COL4A6: variants seen among roughly 807,000 people sequenced by gnomAD.
COL4A6 encodes the protein collagen alpha-6(IV) chain.
COL4A6 carries 59 observed loss-of-function variants against 126.7 expected under a neutral mutation model. The observed-to-expected ratio is 0.47, with a 90% CI of 0.38 to 0.58. COL4A6 has a LOEUF of 0.58. COL4A6 is among the 20% of genes least tolerant of loss of function. The pLI is 0.00. For missense variants in COL4A6, 1,285 were observed against 1,337.3 expected (o/e 0.96, Z 0.61); for synonymous variants, 547 against 496.6 (o/e 1.10, Z -1.35).
intron 40 of COL4A6, among the ~76,000 whole-genome samples, chrX:108,164,112 C>CG (rs1449053859): frequency 9.0e-6 from 1 of 111,215 alleles, no homozygotes; most frequent in Non-Finnish European, 1.9e-5. Flanking sequence ...CCACTAGGGT[C>CG]GGGGGAGGAA....
At chrX:108,428,591 G>T (rs181209180) in intron 2 of COL4A6, among the ~76,000 whole-genome samples, 1 of 110,733 alleles carries the variant, frequency 9.0e-6, no homozygotes, top group African/African-American at 3.3e-5. Context: ...CTTAGTACTG[G>T]GGTGATGAAA....
At chrX:108,431,519 C>T (rs1299017618) in intron 2 of COL4A6, among the ~76,000 whole-genome samples, 1 of 111,839 alleles carries the variant, frequency 8.9e-6, no homozygotes, top group Non-Finnish European at 1.9e-5. Flanking sequence ...TTAGTTGCAT[C>T]ATGTGAAGTG....
chrX:108,436,776 T>A (rs893466488), intron 2 of COL4A6, among the ~76,000 whole-genome samples: 4 of 112,068 alleles, frequency 3.6e-5, no homozygotes, highest in African/African-American at 1.3e-4. Context: ...CATCTTCCTC[T>A]CTTTACAAGA....
At chrX:108,216,776 C>G (rs2035869570) in intron 5 of COL4A6, among the ~76,000 whole-genome samples, 2 of 112,444 alleles carry the variant, frequency 1.8e-5, no homozygotes, top group Non-Finnish European at 3.8e-5. Context: ...TCCTCAGAAC[C>G]CAGTTTCAAA....
At chrX:108,318,578 T>C (rs956063477) in intron 2 of COL4A6, among the ~76,000 whole-genome samples, 1 of 110,958 alleles carries the variant, frequency 9.0e-6, no homozygotes, top group African/African-American at 3.3e-5. Context: ...TATACACCAA[T>C]AACAGACAAA....
Position 108,188,680 on chromosome X carries a change from G to A in COL4A6, c.1427-3C>T. The stretch of plus-strand genomic sequence containing the variant: ...ACAAGCACAGAAACCTGAGTCTCCT[G>A]GGAGAAAAAGACAACATAGAACGAA... On this transcript the variant is annotated splice_region_variant and splice_polypyrimidine_tract_variant and intron_variant, in intron 20 of 44. Coordinates refer to ENST00000334504, the MANE Select transcript of COL4A6 (RefSeq NM_033641.4). 8.8e-7 allele frequency: 1 copy of A among 1,139,188 alleles called. No homozygotes were observed. Among genetic ancestry groups the A allele is most frequent in the Non-Finnish European group, 1.2e-6 (1 of 860,217 alleles). 93.9% of individuals were successfully genotyped at this position (1,139,188 alleles called of 1,213,427 possible).
chrX:108,306,358 G>C (rs1307605941), intron 3 of COL4A6, among the ~76,000 whole-genome samples: 2 of 111,720 alleles, frequency 1.8e-5, no homozygotes, highest in Non-Finnish European at 3.8e-5. Flanking sequence ...GAAAGGCCTG[G>C]CCACCCAAGG....
intron 4 of COL4A6, among the ~76,000 whole-genome samples, chrX:108,220,036 T>G (rs1410475576): frequency 9.0e-6 from 1 of 111,099 alleles, no homozygotes; most frequent in Non-Finnish European, 1.9e-5. Context: ...TGGAGAACCT[T>G]GAATGACCTA....
rs560739250 is a variant in COL4A6 at position 108,408,676 on chromosome X, A to C, written c.63+29266T>G. ...CTATGAAAAAACTCATGTTAATAAAATATGGCCAGGCACGGTGGCTCACGC... is the reference window on the plus strand; with the variant it reads ...CTATGAAAAAACTCATGTTAATAAACTATGGCCAGGCACGGTGGCTCACGC... On this transcript the variant is annotated intron_variant, in intron 2 of 44. Transcript: ENST00000334504. 1.4e-4 allele frequency among the ~76,000 whole-genome samples: 16 copies of C among 112,007 alleles called. 1 individual carries two copies. The South Asian group carries it at 5.6e-3, about 39-fold the overall frequency.
intron 3 of COL4A6, among the ~76,000 whole-genome samples, chrX:108,292,609 A>G (rs2038189663): frequency 8.9e-6 from 1 of 112,080 alleles, no homozygotes. Flanking sequence ...AATGAAAATT[A>G]GAATATGTGA....
chrX:108,277,693 T>C (rs1245522770), intron 3 of COL4A6, among the ~76,000 whole-genome samples: 1 of 112,257 alleles, frequency 8.9e-6, no homozygotes, highest in African/African-American at 3.2e-5. Context: ...CCTCCTCAAG[T>C]GGGTCCCTGA....
At chrX:108,385,882 C>A (rs771174467) in intron 2 of COL4A6, among the ~76,000 whole-genome samples, 15 of 108,719 alleles carry the variant, frequency 1.4e-4, no homozygotes, top group Non-Finnish European at 2.1e-4. Flanking sequence ...CCTACCCCCC[C>A]AAAAGGCCCC....
chrX:108,432,790 T>C (rs1392439096), intron 2 of COL4A6, among the ~76,000 whole-genome samples: 1 of 111,158 alleles, frequency 9.0e-6, no homozygotes, highest in African/African-American at 3.3e-5. Context: ...GAGCCAAGAC[T>C]GTGCCACTGC....
At chrX:108,290,860 G>A (rs1023141621) in intron 3 of COL4A6, among the ~76,000 whole-genome samples, 1 of 112,380 alleles carries the variant, frequency 8.9e-6, no homozygotes, top group African/African-American at 3.2e-5. Context: ...CTTTGGTCAT[G>A]ACACTACCCA....
rs1203176710 is a variant in COL4A6, at chrX:108,344,505, G to A, written c.64-33677C>T. On this transcript the variant is annotated intron_variant, in intron 2 of 44. Coordinates refer to ENST00000334504, the MANE Select transcript of COL4A6 (RefSeq NM_033641.4). ...CTTAAGATAAAACTTGAATTTTGCT[G>A]AGACTCAGCACTAAGGCCTGTCCAG... Among the ~76,000 whole-genome samples, 3 of 112,050 alleles carry A rather than the reference G, an allele frequency of 2.7e-5. No individual in the cohort carries two copies. In the Admixed American group the frequency reaches 2.8e-4, roughly 11 times the overall value.
At chrX:108,424,381 A>T (rs2064034831) in intron 2 of COL4A6, among the ~76,000 whole-genome samples, 1 of 112,237 alleles carries the variant, frequency 8.9e-6, no homozygotes. Flanking sequence ...AAATACAAAT[A>T]TATTTGTGTA....
intron 2 of COL4A6, among the ~76,000 whole-genome samples, chrX:108,360,034 T>C (rs2040047956): frequency 8.9e-6 from 1 of 111,781 alleles, no homozygotes; most frequent in African/African-American, 3.3e-5. Context: ...GTTGATCATA[T>C]TTGGAGGCAA....
At chrX:108,337,161 G>A in intron 2 of COL4A6, among the ~76,000 whole-genome samples, 1 of 111,480 alleles carries the variant, frequency 9.0e-6, no homozygotes, top group East Asian at 2.8e-4. Context: ...TAACACCTCA[G>A]TGTCTCACCC....
intron 3 of COL4A6, among the ~76,000 whole-genome samples, chrX:108,240,359 C>T (rs2036541175): frequency 8.9e-6 from 1 of 112,191 alleles, no homozygotes; most frequent in African/African-American, 3.2e-5. Flanking sequence ...TTGTATATCC[C>T]ACCATTGATT....
Sources: gnomAD v4.1 joint callset for allele counts (sites outside exome capture counted in the v4.1 genomes callset) on GRCh38, gnomAD v4.1.1 for gene constraint, MANE v1.5 for transcripts, NCBI Gene and HGNC (gene_info 2026-07-23, HGNC 2026-07-21) for gene names.